The following SLC9A9 variants were observed in gnomAD, a reference collection of about 807,000 sequenced individuals.
SLC9A9 encodes the protein sodium/hydrogen exchanger 9.
SLC9A9 carries 62 observed loss-of-function variants against 77.8 expected under a neutral mutation model. The observed-to-expected ratio is 0.80, with a 90% CI of 0.65 to 0.98. The LOEUF (loss-of-function observed/expected upper bound fraction) is 0.98. Among genes scored for constraint, SLC9A9 ranks in the 50% least tolerant of loss-of-function variants. The probability of loss-of-function intolerance (pLI) is 0.00; values close to 1 mark genes in which losing one functional copy is unlikely to be tolerated. For missense variants in SLC9A9, 775 were observed against 774.9 expected, an observed-to-expected ratio of 1.00 and a Z score of 0.00; for synonymous variants, 320 against 283.5, an observed-to-expected ratio of 1.13 and a Z score of -1.29.
intron 12 of SLC9A9, among the ~76,000 whole-genome samples, chr3:143,458,740 C>T (rs2035136839): frequency 6.6e-6 from 1 of 151,940 alleles, no homozygotes; most frequent in Non-Finnish European, 1.5e-5. Flanking sequence ...TTTTGAGAAC[C>T]CCATAAGACA....
intron 12 of SLC9A9, among the ~76,000 whole-genome samples, chr3:143,434,310 C>T (rs1191019257): frequency 2.0e-5 from 3 of 152,004 alleles, no homozygotes; most frequent in Non-Finnish European, 4.4e-5. Context: ...AATGTAACTG[C>T]TTCATAGATA....
At chr3:143,419,951 C>T in intron 12 of SLC9A9, among the ~76,000 whole-genome samples, 1 of 152,176 alleles carries the variant, frequency 6.6e-6, no homozygotes. Context: ...ATTTCCCGAA[C>T]ACAGGGAGTA....
rs527825631 is a variant in SLC9A9, at chr3:143,777,559, A to G, written c.533+17442T>C. Among the ~76,000 whole-genome samples the G allele has an allele frequency of 4.6e-5, 7 of 152,196 alleles. No homozygotes were observed. The East Asian group carries it at 1.3e-3, about 29-fold the overall frequency. On this transcript the variant is annotated intron_variant, in intron 4 of 15. Coordinates refer to ENST00000316549, the MANE Select transcript of SLC9A9 (RefSeq NM_173653.4). ...TTTTTAAAGCTATAACATAAAAATG[A>G]TTTTCTAACTATTCTTTTTTCTAAA...
At chr3:143,375,688 C>G (rs181633695) in intron 13 of SLC9A9, among the ~76,000 whole-genome samples, 91 of 152,336 alleles carry the variant, frequency 6.0e-4, no homozygotes, top group Middle Eastern at 3.4e-3. Flanking sequence ...CAAATTGTAG[C>G]TGACCCTAGA....
intron 12 of SLC9A9, among the ~76,000 whole-genome samples, chr3:143,392,853 A>G (rs2033605792): frequency 6.6e-6 from 1 of 152,234 alleles, no homozygotes; most frequent in African/African-American, 2.4e-5. Context: ...GAGACAAAGA[A>G]GGCCATTACA....
intron 8 of SLC9A9, among the ~76,000 whole-genome samples, chr3:143,560,276 C>T (rs954659440): frequency 2.0e-5 from 3 of 152,182 alleles, no homozygotes; most frequent in African/African-American, 7.2e-5. Flanking sequence ...AAGTCTCTCC[C>T]TAACGGTCTG....
intron 6 of SLC9A9, among the ~76,000 whole-genome samples, chr3:143,646,505 AT>A (rs2038710072): frequency 6.7e-6 from 1 of 149,566 alleles, no homozygotes. Flanking sequence ...TTAAAAATGT[AT>A]TGTGAATATC....
intron 4 of SLC9A9, among the ~76,000 whole-genome samples, chr3:143,793,733 A>C (rs1360302851): frequency 6.6e-6 from 1 of 152,214 alleles, no homozygotes; most frequent in Admixed American, 6.5e-5. Flanking sequence ...TATTTATTCA[A>C]GATGTCTCAT....
At chr3:143,594,678 T>C (rs1034191207) in intron 6 of SLC9A9, among the ~76,000 whole-genome samples, 1 of 152,088 alleles carries the variant, frequency 6.6e-6, no homozygotes, top group African/African-American at 2.4e-5. Context: ...TCCTATGTAG[T>C]CCCCACTGGT....
At chr3:143,499,336 A>T (rs1451266649) in intron 9 of SLC9A9, among the ~76,000 whole-genome samples, 1 of 152,160 alleles carries the variant, frequency 6.6e-6, no homozygotes. Context: ...TTAAATTTTT[A>T]TATAAAGATT....
At chr3:143,582,748 C>G (rs2037478168) in intron 6 of SLC9A9, among the ~76,000 whole-genome samples, 1 of 152,096 alleles carries the variant, frequency 6.6e-6, no homozygotes, top group Non-Finnish European at 1.5e-5. Context: ...GCTCCATGGA[C>G]AAGAATAGGT....
chr3:143,270,105 T>C (rs1334455189), intron 14 of SLC9A9, among the ~76,000 whole-genome samples: 1 of 152,144 alleles, frequency 6.6e-6, no homozygotes, highest in African/African-American at 2.4e-5. Context: ...ACTGGGAAGA[T>C]GTTAGGAGGG....
At chr3:143,445,612 C>G (rs147324227) in intron 12 of SLC9A9, among the ~76,000 whole-genome samples, 141 of 152,244 alleles carry the variant, frequency 9.3e-4, no homozygotes, top group African/African-American at 3.3e-3. Flanking sequence ...GCAGATGAAC[C>G]CAGCAGAGTC....
At chr3:143,828,950 C>T (rs2108886885) in intron 2 of SLC9A9, among the ~76,000 whole-genome samples, 1 of 152,302 alleles carries the variant, frequency 6.6e-6, no homozygotes, top group East Asian at 1.9e-4. Flanking sequence ...AATTCCAAAA[C>T]CCTTGATACT....
intron 12 of SLC9A9, among the ~76,000 whole-genome samples, chr3:143,434,209 A>G (rs1027652374): frequency 6.6e-6 from 1 of 152,194 alleles, no homozygotes; most frequent in Non-Finnish European, 1.5e-5. Flanking sequence ...TGGTATGCAG[A>G]CATGTGAATA....
chr3:143,715,198 C>CT (rs5853124), intron 4 of SLC9A9, among the ~76,000 whole-genome samples: 145,619 of 152,210 alleles, frequency 0.96, 69,694 homozygotes, highest in East Asian at 1. Flanking sequence ...GTTCTTTATT[C>CT]TTTTCTTTCA....
intron 8 of SLC9A9, among the ~76,000 whole-genome samples, chr3:143,563,107 A>G (rs1054550764): frequency 1.3e-5 from 2 of 152,196 alleles, no homozygotes; most frequent in African/African-American, 2.4e-5. Flanking sequence ...AGTATCTAAA[A>G]GAACTGTTTT....
At chr3:143,828,669 A>G (rs1017027168) in intron 2 of SLC9A9, among the ~76,000 whole-genome samples, 2 of 152,140 alleles carry the variant, frequency 1.3e-5, no homozygotes, top group African/African-American at 4.8e-5. Flanking sequence ...ACTTCAAGCC[A>G]AAACTCTAGT....
At chr3:143,439,757 A>C (rs764946623) in intron 12 of SLC9A9, among the ~76,000 whole-genome samples, 10 of 151,946 alleles carry the variant, frequency 6.6e-5, no homozygotes, top group Admixed American at 2.0e-4. Flanking sequence ...GAACACAAGG[A>C]CCTGGGCTCT....
Sources: allele counts gnomAD v4.1 joint callset (sites outside exome capture counted in the v4.1 genomes callset), GRCh38; gene constraint gnomAD v4.1.1; transcripts MANE v1.5; gene names NCBI Gene and HGNC (gene_info 2026-07-23, HGNC 2026-07-21).